The following RNF168 variants were observed in gnomAD, a reference collection of about 807,000 sequenced individuals.
RNF168 encodes E3 ubiquitin-protein ligase RNF168.
A neutral mutation model predicts 34.9 loss-of-function variants in RNF168; 34 were observed. The observed-to-expected ratio is 0.97, with a 90% confidence interval of 0.74 to 1.30. RNF168 has a LOEUF of 1.30. Ranked by LOEUF, RNF168 falls within the 50% of genes most tolerant of loss-of-function variation. RNF168 has a pLI of 0.00. For missense variants in RNF168, 725 were observed against 682.5 expected (o/e 1.06, Z -0.69); for synonymous variants, 264 against 254.7 (o/e 1.04, Z -0.35).
Position 196,503,051 on chromosome 3 carries a change from C to G in RNF168, c.123G>C (p.Gln41His). Residue 41 changes from glutamine to histidine, a missense_variant, in exon 1 of 6, where the codon CAG (glutamine) becomes CAC (histidine). Transcript: ENST00000318037. Reference protein sequence around the residue: ...CNHTLCKPCFQSTVEKASLCC... With the variant: ...CNHTLCKPCFHSTVEKASLCC... ...ATAAACTCGCCTTTTCGACGGTCGA[C>G]TGGAAGCACGGTTTACACAGCGTGT... 1.2e-6 allele frequency: 2 copies of G among 1,614,178 alleles called. No individual in the cohort carries two copies. Among genetic ancestry groups the G allele is most frequent in the Non-Finnish European group, 1.7e-6 (2 of 1,180,040 alleles).
chr3:196,480,360 GGCCTCGTCATCTCCCACCTCAT>G (rs1732257668), intron 4 of RNF168, among the ~76,000 whole-genome samples: 1 of 152,016 alleles, frequency 6.6e-6, no homozygotes, highest in African/African-American at 2.4e-5. Context: ...TCTCCTATGG[GGCCTCGTCATCTCCCACCTCAT>G]ACTATCCTGA....
chr3:196,482,773 G>T (rs1213306621), intron 4 of RNF168, among the ~76,000 whole-genome samples: 3 of 152,058 alleles, frequency 2.0e-5, no homozygotes, highest in African/African-American at 7.2e-5. Flanking sequence ...AAGTCCCTTT[G>T]TCCAGTTTTT....
At chr3:196,482,580 C>T (rs138596577) in intron 4 of RNF168, among the ~76,000 whole-genome samples, 24 of 152,322 alleles carry the variant, frequency 1.6e-4, no homozygotes, top group Non-Finnish European at 2.8e-4. Context: ...GCAAGGATTC[C>T]AATTTCTCCA....
At chr3:196,491,984 G>A (rs1397617867) in intron 1 of RNF168, among the ~76,000 whole-genome samples, 1 of 152,130 alleles carries the variant, frequency 6.6e-6, no homozygotes, top group Admixed American at 6.5e-5. Context: ...CAGGGGAGGG[G>A]TGAATGGGGA....
At chr3:196,489,623 G>A (rs939325033) in intron 1 of RNF168, among the ~76,000 whole-genome samples, 11 of 152,106 alleles carry the variant, frequency 7.2e-5, no homozygotes, top group Non-Finnish European at 1.5e-5. Flanking sequence ...CACCGTGCCC[G>A]GCTCCAGTTA....
At chr3:196,486,616 G>A (rs542160148) in intron 3 of RNF168, among the ~76,000 whole-genome samples, 162 of 152,300 alleles carry the variant, frequency 1.1e-3, no homozygotes, top group Non-Finnish European at 2.1e-3. Context: ...TTACAGGCCC[G>A]AGCCATCGCA....
intron 1 of RNF168, among the ~76,000 whole-genome samples, chr3:196,497,521 T>G (rs1252770463): frequency 6.6e-6 from 1 of 151,870 alleles, no homozygotes; most frequent in African/African-American, 2.4e-5. Context: ...AATACAAAAA[T>G]TAGCCAGGCA....
rs774998312 is a variant in RNF168 at position 196,503,006 on chromosome 3, G to A, written c.168C>T (p.Arg56=). 1 of 1,614,102 alleles carries A rather than the reference G, an allele frequency of 6.2e-7. No individual in the cohort carries two copies. Among genetic ancestry groups the A allele is most frequent in the East Asian group, 2.2e-5 (1 of 44,864 alleles). The change falls in exon 1 of 6, where the codon CGC becomes CGT. Residue 56 remains arginine, a synonymous_variant. Transcript: ENST00000318037. ...KASLCCPFCR[R]RVSSWTRYHT... ...GGTACCGAGTCCACGACGATACCCG[G>A]CGGCGACAGAAGGGACAGCATAAAC...
chr3:196,479,647 G>A (rs532662777), intron 4 of RNF168, among the ~76,000 whole-genome samples: 5 of 151,878 alleles, frequency 3.3e-5, no homozygotes, highest in East Asian at 1.9e-4. Context: ...CTGGAGTGCA[G>A]TGGTGTGACC....
At chr3:196,475,048 T>C in intron 5 of RNF168, 183 bp downstream of exon 5, 1 of 575,348 alleles carries the variant, frequency 1.7e-6, no homozygotes, top group Non-Finnish European at 3.1e-6. Context: ...AGTATGTTTA[T>C]TTAAAAAATT....
At chr3:196,499,066 C>G (rs981875476) in intron 1 of RNF168, among the ~76,000 whole-genome samples, 8 of 152,000 alleles carry the variant, frequency 5.3e-5, no homozygotes, top group African/African-American at 1.7e-4. Flanking sequence ...GTCCTAACTC[C>G]CAGTAACTAA....
Position 196,497,404 on chromosome 3 carries a change from GC to G in RNF168, c.301+5468del, listed in dbSNP as rs544673569. On this transcript the variant is annotated intron_variant, in intron 1 of 5. Coordinates refer to ENST00000318037, the MANE Select transcript of RNF168 (RefSeq NM_152617.4). ...AAGTTAAAACTGGCCAGACACAGTG[GC>G]TCACACCTGTAATCCTCGCACTTTG... Among the ~76,000 whole-genome samples the G allele has an allele frequency of 1.8e-4, 28 of 152,288 alleles. No homozygotes were observed. In the South Asian group the frequency reaches 5.8e-3, roughly 32 times the overall value.
chr3:196,480,892 G>C (rs1034906512), intron 4 of RNF168, among the ~76,000 whole-genome samples: 1 of 152,018 alleles, frequency 6.6e-6, no homozygotes, highest in Non-Finnish European at 1.5e-5. Context: ...CAATCCTCTC[G>C]CCTCAGTCTC....
Position 196,472,710 on chromosome 3 carries a change from C to A in RNF168, c.825G>T (p.Pro275=), listed in dbSNP as rs539422622. 1.2e-6 allele frequency: 2 copies of A among 1,607,338 alleles called. No individual in the cohort carries two copies. The highest frequency in any genetic ancestry group is 3.3e-5 in the Admixed American group (2 of 59,864). ...TGQDTEIEDM[P]TLSPQISLGV... ...CAAGGGATATCTGTGGAGAAAGTGT[C>A]GGCATATCTTCTATTTCTGTGTCTT... Residue 275 remains proline (P), a synonymous_variant, in exon 6 of 6, where the codon CCG becomes CCT. Coordinates refer to ENST00000318037, the MANE Select transcript of RNF168 (RefSeq NM_152617.4).
Position 196,502,987 on chromosome 3 carries a change from G to A in RNF168, c.187C>T (p.Arg63Trp), listed in dbSNP as rs754678534. Residue 63 changes from arginine (R) to tryptophan (W), a missense_variant, in exon 1 of 6, where the codon CGG becomes TGG. Transcript: ENST00000318037. ...AGAGAATTTCTTCGGGTATGGTACC[G>A]AGTCCACGACGATACCCGGCGGCGA... ...FCRRRVSSWT[R>W]YHTRRNSLVN... 2 of 1,613,978 alleles carry A rather than the reference G, an allele frequency of 1.2e-6. No individual in the cohort carries two copies. Among genetic ancestry groups the A allele is most frequent in the South Asian group, 1.1e-5 (1 of 91,076 alleles).
intron 4 of RNF168, among the ~76,000 whole-genome samples, chr3:196,478,707 C>G (rs1224032014): frequency 6.6e-6 from 1 of 151,956 alleles, no homozygotes; most frequent in Non-Finnish European, 1.5e-5. Context: ...CACTCTATCG[C>G]CCAGACTGAA....
intron 4 of RNF168, among the ~76,000 whole-genome samples, chr3:196,478,955 C>A (rs775846997): frequency 2.7e-5 from 4 of 149,852 alleles, no homozygotes; most frequent in Non-Finnish European, 4.4e-5. Context: ...GATCCACCCA[C>A]CTCGGCTTCC....
chr3:196,500,774 T>C (rs112849022), intron 1 of RNF168, among the ~76,000 whole-genome samples: 7,523 of 151,752 alleles, frequency 0.05, 564 homozygotes, highest in African/African-American at 0.16. Context: ...TGCGGTGGCG[T>C]GATCTCGGCT....
At chr3:196,489,547 G>A (rs1018617461) in intron 1 of RNF168, among the ~76,000 whole-genome samples, 1 of 151,956 alleles carries the variant, frequency 6.6e-6, no homozygotes, top group African/African-American at 2.4e-5. Flanking sequence ...GGCTGGTTTC[G>A]AACTCCTAAT....
Sources: allele counts gnomAD v4.1 joint callset (sites outside exome capture counted in the v4.1 genomes callset), GRCh38; gene constraint gnomAD v4.1.1; transcripts MANE v1.5; gene names NCBI Gene and HGNC (gene_info 2026-07-23, HGNC 2026-07-21).